The following GSDME variants were observed in gnomAD, a reference collection of about 807,000 sequenced individuals.
The protein encoded by GSDME is gasdermin E.
Under a neutral mutation model 47.5 loss-of-function variants are expected in GSDME, and 44 were observed. The observed-to-expected ratio is 0.93, with a 90% CI of 0.73 to 1.19. The LOEUF (loss-of-function observed/expected upper bound fraction) is 1.19. GSDME is among the 50% of genes most tolerant of loss of function. The probability of loss-of-function intolerance (pLI) is 0.00; values close to 1 mark genes in which losing one functional copy is unlikely to be tolerated. For missense variants in GSDME, 663 were observed against 604.2 expected (o/e 1.10, Z -1.02); for synonymous variants, 258 against 252.8 (o/e 1.02, Z -0.20).
chr7:24,753,777 C>A (rs1790931080), intron 1 of GSDME, among the ~76,000 whole-genome samples: 1 of 152,148 alleles, frequency 6.6e-6, no homozygotes, highest in South Asian at 2.1e-4. Flanking sequence ...TTAACTGTAT[C>A]CTTTGCTCAT....
intron 3 of GSDME, among the ~76,000 whole-genome samples, chr7:24,722,845 T>C (rs1171872514): frequency 2.0e-5 from 3 of 152,230 alleles, no homozygotes; most frequent in Non-Finnish European, 4.4e-5. Flanking sequence ...CTGTATCCGA[T>C]GACAGGGCAG....
In GSDME at chr7:24,745,448, T is replaced by A. The variant is rs1234155014; in HGVS notation, c.212-694A>T. On this transcript the variant is annotated intron_variant, in intron 2 of 9. Transcript: ENST00000645220. The surrounding 1 kb of genome is among the most constrained non-coding windows in gnomAD (Gnocchi z 4.4). ...GATTCTCTCTCTGACCTCTACCCAG[T>A]CATTCAATTCCTCATCATATAATTC... 6.6e-6 allele frequency among the ~76,000 whole-genome samples: 1 copy of A among 152,188 alleles called. No individual in the cohort carries two copies. Among genetic ancestry groups the A allele is most frequent in the African/African-American group, 2.4e-5 (1 of 41,440 alleles).
chr7:24,706,526 C>G (rs1319511451), intron 7 of GSDME, 150 bp from the exon 8 acceptor site: 1 of 771,796 alleles, frequency 1.3e-6, no homozygotes, highest in African/African-American at 1.8e-5. Flanking sequence ...TCTGAAATTG[C>G]TAATCCTTGG....
chr7:24,746,078 C>T (rs1039982848), intron 2 of GSDME, among the ~76,000 whole-genome samples: 1 of 152,112 alleles, frequency 6.6e-6, no homozygotes, highest in African/African-American at 2.4e-5. Context: ...ACTTCACCTA[C>T]ACTTCTTCCA....
chr7:24,719,749 T>A (rs988484912), intron 3 of GSDME, among the ~76,000 whole-genome samples: 2 of 151,410 alleles, frequency 1.3e-5, no homozygotes, highest in African/African-American at 4.9e-5. Context: ...GCTGAGATCA[T>A]GCCATTGCGC....
rs1322783742 is a variant in GSDME, at chr7:24,733,103, C to T, written c.404+11459G>A. Among the ~76,000 whole-genome samples the T allele has an allele frequency of 6.6e-6, 1 of 152,028 alleles. No individual in the cohort carries two copies. The highest frequency in any genetic ancestry group is 6.5e-5 in the Admixed American group (1 of 15,272). ...CCAGCTCAGCCACAGTAGGATAGGG[C>T]ACCAGGCAGAGTTGTGAGGCCCCCA... On this transcript the variant is annotated intron_variant, in intron 3 of 9. Transcript: ENST00000645220. The surrounding 1 kb of genome is among the most constrained non-coding windows in gnomAD (Gnocchi z 4.3).
intron 1 of GSDME, among the ~76,000 whole-genome samples, chr7:24,750,101 G>C (rs944598882): frequency 6.6e-6 from 1 of 152,200 alleles, no homozygotes; most frequent in Non-Finnish European, 1.5e-5. Context: ...GTACAAGAGA[G>C]TTTTGTTTAT....
intron 1 of GSDME, among the ~76,000 whole-genome samples, chr7:24,752,873 C>A (rs1243745826): frequency 6.6e-6 from 1 of 152,144 alleles, no homozygotes; most frequent in East Asian, 1.9e-4. Context: ...TCAGGCTTGC[C>A]ATTAAAAAAC....
the GSDME span, among the ~76,000 whole-genome samples, chr7:24,762,949 G>T: frequency 1.3e-5 from 2 of 152,074 alleles, no homozygotes; most frequent in East Asian, 3.9e-4. Context: ...TGGACACCTC[G>T]GGCAGATAGA....
chr7:24,779,498 G>GGTGTGTGTGTGTGTGTGTGTGTGTGTGT, the GSDME span, among the ~76,000 whole-genome samples: 7 of 143,048 alleles, frequency 4.9e-5, no homozygotes, highest in African/African-American at 1.6e-4. This position sits in a 1 kb window ranked among gnomAD's most constrained non-coding sequence, Gnocchi z 6.0. Context: ...AGTGATACAT[G>GGTGTGTGTGTGTGTGTGTGTGTGTGTGT]GTGTGTGTGT....
At chr7:24,786,393 A>G in the GSDME span, among the ~76,000 whole-genome samples, 1 of 152,220 alleles carries the variant, frequency 6.6e-6, no homozygotes, top group Non-Finnish European at 1.5e-5. The surrounding 1 kb of genome is among the most constrained non-coding windows in gnomAD (Gnocchi z 5.5). Context: ...TGCCCTTGGA[A>G]ACATGCAGAC....
At chr7:24,787,019 G>A in the GSDME span, among the ~76,000 whole-genome samples, 1 of 152,078 alleles carries the variant, frequency 6.6e-6, no homozygotes, top group Non-Finnish European at 1.5e-5. This position sits in a 1 kb window ranked among gnomAD's most constrained non-coding sequence, Gnocchi z 5.0. Context: ...AAAGAGGTGA[G>A]GGCCTTGGGC....
the GSDME span, among the ~76,000 whole-genome samples, chr7:24,764,661 G>T: frequency 6.6e-6 from 1 of 152,184 alleles, no homozygotes; most frequent in Non-Finnish European, 1.5e-5. This position sits in a 1 kb window ranked among gnomAD's most constrained non-coding sequence, Gnocchi z 4.4. Context: ...GCTGTTTGAT[G>T]ATTTTGGAGT....
At chr7:24,701,271 A>C (rs1000423553) in intron 9 of GSDME, among the ~76,000 whole-genome samples, 3 of 152,244 alleles carry the variant, frequency 2.0e-5, no homozygotes, top group African/African-American at 7.2e-5. Context: ...GTCTTTACAG[A>C]AAAAGGAGGT....
intron 3 of GSDME, among the ~76,000 whole-genome samples, chr7:24,727,465 G>C (rs1021313564): frequency 2.0e-5 from 3 of 152,070 alleles, no homozygotes; most frequent in African/African-American, 7.2e-5. Flanking sequence ...GGAATATTAA[G>C]CAAGAATTAC....
intron 3 of GSDME, among the ~76,000 whole-genome samples, chr7:24,722,500 G>A (rs974663900): frequency 2.6e-5 from 4 of 152,098 alleles, no homozygotes; most frequent in Admixed American, 6.6e-5. Context: ...ATTCTTGAAC[G>A]TCTGTCTGTG....
upstream of GSDME, among the ~76,000 whole-genome samples, chr7:24,760,108 A>C (rs1450942695): frequency 2.0e-5 from 3 of 152,244 alleles, no homozygotes; most frequent in Non-Finnish European, 4.4e-5. The surrounding 1 kb of genome is among the most constrained non-coding windows in gnomAD (Gnocchi z 4.2). Flanking sequence ...GATGGTAAGC[A>C]GCATCTGCTT....
Position 24,756,160 on chromosome 7 carries a change from C to G in GSDME, c.-20+1236G>C, listed in dbSNP as rs552472261. Among the ~76,000 whole-genome samples, 4 of 152,218 alleles carry G rather than the reference C, an allele frequency of 2.6e-5. No individual in the cohort carries two copies. The highest frequency in any genetic ancestry group is 5.9e-5 in the Non-Finnish European group (4 of 68,014). On this transcript the variant is annotated intron_variant, in intron 1 of 9. Transcript: ENST00000645220. This position sits in a 1 kb window ranked among gnomAD's most constrained non-coding sequence, Gnocchi z 4.2. ...GCTCGAAAGGAGAAGGAGAGTGAGG[C>G]GCCAAAGGCTTTGGGGAAGTGGAGT...
chr7:24,749,434 A>G lies in GSDME; in HGVS notation c.211+130T>C, dbSNP rs1790780746. ...GGAGAATCACCTGAACCTGGGAGGC[A>G]GAGGTTGCAATGGGCCAAGATCACG... On this transcript the variant is annotated intron_variant, in intron 2 of 9. Transcript: ENST00000645220. 5 of 779,920 alleles carry G rather than the reference A, an allele frequency of 6.4e-6. No homozygotes were observed. The Admixed American group carries it at 1.1e-4, about 16-fold the overall frequency. 48.3% of individuals were successfully genotyped at this position (779,920 alleles called of 1,614,324 possible).
Sources: allele counts gnomAD v4.1 joint callset (sites outside exome capture counted in the v4.1 genomes callset), GRCh38; gene constraint gnomAD v4.1.1; non-coding constraint Gnocchi (gnomAD v3.1); transcripts MANE v1.5; gene names NCBI Gene and HGNC (gene_info 2026-07-23, HGNC 2026-07-21).